The following TBC1D14 variants were observed in gnomAD, a reference collection of about 807,000 sequenced individuals.
The protein encoded by TBC1D14 is TBC1 domain family, member 14.
TBC1D14 carries 26 observed loss-of-function variants against 79.0 expected under a neutral mutation model. That is an observed-to-expected ratio of 0.33 (90% CI 0.24 to 0.46). The LOEUF is 0.46. TBC1D14 is among the 20% of genes least tolerant of loss of function. The probability of loss-of-function intolerance (pLI) is 1.00; values close to 1 mark genes in which losing one functional copy is unlikely to be tolerated. For synonymous variants in TBC1D14, 394 were observed against 349.9 expected, an observed-to-expected ratio of 1.13 and a Z score of -1.40; for missense variants, 769 against 887.6, an observed-to-expected ratio of 0.87 and a Z score of 1.70.
At chr4:6,992,746 T>C (rs964142376) in intron 3 of TBC1D14, among the ~76,000 whole-genome samples, 3 of 152,268 alleles carry the variant, frequency 2.0e-5, no homozygotes, top group Non-Finnish European at 2.9e-5. Flanking sequence ...TGAAGCTTCA[T>C]GAGGGCTAGT....
chr4:6,931,924 G>A (rs1711785725), intron 2 of TBC1D14, among the ~76,000 whole-genome samples: 2 of 151,944 alleles, frequency 1.3e-5, no homozygotes, highest in Non-Finnish European at 2.9e-5. Context: ...GTAGATGGAG[G>A]ATATGTGTTG....
rs748339168 is a variant in TBC1D14, at chr4:6,936,131, C to T, written c.722+12020C>T. On this transcript the variant is annotated intron_variant, in intron 2 of 13. Coordinates refer to ENST00000409757, the MANE Select transcript of TBC1D14 (RefSeq NM_020773.3). ...ACTGGAGGAGTCCATTTGTTACTGTCGATGAGTGCACACTGGCTGACACAT... is the reference window on the plus strand; with the variant it reads ...ACTGGAGGAGTCCATTTGTTACTGTTGATGAGTGCACACTGGCTGACACAT... Among the ~76,000 whole-genome samples, 4 of 152,332 alleles carry T rather than the reference C, an allele frequency of 2.6e-5. No homozygotes were observed. In the Middle Eastern group the frequency reaches 0.01, roughly 389 times the overall value.
At chr4:7,015,062 G>T (rs931052791) in intron 12 of TBC1D14, among the ~76,000 whole-genome samples, 5 of 152,140 alleles carry the variant, frequency 3.3e-5, no homozygotes, top group Non-Finnish European at 7.4e-5. Flanking sequence ...AGGTCTGGTG[G>T]GGTAGAGGTT....
At chr4:6,985,905 C>T (rs893603772) in intron 3 of TBC1D14, among the ~76,000 whole-genome samples, 3 of 152,182 alleles carry the variant, frequency 2.0e-5, no homozygotes, top group South Asian at 4.1e-4. Flanking sequence ...AAATAATATA[C>T]CATGAGATCC....
Position 7,006,351 on chromosome 4 carries a change from T to A in TBC1D14, c.1352-281T>A, listed in dbSNP as rs10013211. 1.8e-4 allele frequency among the ~76,000 whole-genome samples: 27 copies of A among 152,032 alleles called. No homozygotes were observed. The East Asian group carries it at 5.2e-3, about 29-fold the overall frequency. On this transcript the variant is annotated intron_variant, in intron 8 of 13. Transcript: ENST00000409757. Reference sequence around the variant, plus strand: ...CTACTTGTCCTTGCTTTCCACTGATTGTTATTGATGAGAGGCAAAATGTTA... The same window carrying A: ...CTACTTGTCCTTGCTTTCCACTGATAGTTATTGATGAGAGGCAAAATGTTA...
chr4:6,948,227 C>T (rs1219198148), intron 2 of TBC1D14, among the ~76,000 whole-genome samples: 1 of 152,176 alleles, frequency 6.6e-6, no homozygotes, highest in East Asian at 1.9e-4. Flanking sequence ...TGACTAGAAC[C>T]CCCAGAAGTC....
intron 1 of TBC1D14, among the ~76,000 whole-genome samples, chr4:6,917,884 G>A (rs563527297): frequency 7.9e-5 from 12 of 152,172 alleles, no homozygotes; most frequent in Non-Finnish European, 1.8e-4. Context: ...GGCACGAGGC[G>A]GAAGTGCTTG....
At chr4:7,019,590 C>T (rs1173575547) in intron 12 of TBC1D14, among the ~76,000 whole-genome samples, 2 of 152,262 alleles carry the variant, frequency 1.3e-5, no homozygotes, top group African/African-American at 4.8e-5. Flanking sequence ...TTGGCACACC[C>T]TGGCCTGGCT....
chr4:7,013,726 G>A (rs1486937118), intron 11 of TBC1D14, among the ~76,000 whole-genome samples: 1 of 145,220 alleles, frequency 6.9e-6, no homozygotes, highest in Non-Finnish European at 1.5e-5. Context: ...GACGAGGCAT[G>A]CCTGCTTTTC....
At chr4:7,011,336 T>G in intron 11 of TBC1D14, among the ~76,000 whole-genome samples, 1 of 137,812 alleles carries the variant, frequency 7.3e-6, no homozygotes, top group African/African-American at 2.7e-5. Flanking sequence ...TGGGGGGTGG[T>G]GACAGTGGGG....
At chr4:6,913,348 A>C (rs1723149305) in intron 1 of TBC1D14, among the ~76,000 whole-genome samples, 1 of 152,238 alleles carries the variant, frequency 6.6e-6, no homozygotes, top group Admixed American at 6.5e-5. Flanking sequence ...TAGAAGTGTA[A>C]GAATGGTTAA....
intron 2 of TBC1D14, among the ~76,000 whole-genome samples, chr4:6,925,222 G>A (rs189869150): frequency 7.2e-5 from 11 of 152,282 alleles, no homozygotes; most frequent in East Asian, 5.8e-4. Context: ...AGCCGAGATC[G>A]CGCCACCGCA....
At chr4:6,968,119 G>A (rs1396229167) in intron 3 of TBC1D14, among the ~76,000 whole-genome samples, 1 of 152,168 alleles carries the variant, frequency 6.6e-6, no homozygotes, top group Admixed American at 6.5e-5. Flanking sequence ...TGCCCCAAGT[G>A]TCGCGACATT....
chr4:6,914,894 C>A (rs1723273238), intron 1 of TBC1D14, among the ~76,000 whole-genome samples: 1 of 152,116 alleles, frequency 6.6e-6, no homozygotes, highest in Admixed American at 6.5e-5. Context: ...CAAAAATTAG[C>A]CGGGCGTGGT....
intron 12 of TBC1D14, 60 bp downstream of exon 12, chr4:7,014,617 T>C: frequency 8.2e-7 from 1 of 1,214,974 alleles, no homozygotes; most frequent in Non-Finnish European, 1.2e-6. Context: ...TGTTCTTCAC[T>C]CTCTTCTCTG....
intron 2 of TBC1D14, among the ~76,000 whole-genome samples, chr4:6,958,224 C>T (rs142742423): frequency 6.6e-6 from 1 of 152,004 alleles, no homozygotes; most frequent in Non-Finnish European, 1.5e-5. Flanking sequence ...CAGTTAGAGC[C>T]GGAGTCTGCA....
At chr4:6,999,650 G>C (rs901006119) in intron 6 of TBC1D14, among the ~76,000 whole-genome samples, 1 of 152,038 alleles carries the variant, frequency 6.6e-6, no homozygotes, top group Non-Finnish European at 1.5e-5. Context: ...CTGGGGCCTC[G>C]CATGTTCCAG....
chr4:6,998,947 G>T (rs1180019441), intron 5 of TBC1D14, 138 bp from the exon 6 acceptor site: 2 of 707,328 alleles, frequency 2.8e-6, no homozygotes, highest in South Asian at 1.8e-5. Flanking sequence ...CAGGTGTGAA[G>T]TGAGCGCTGG....
intron 3 of TBC1D14, among the ~76,000 whole-genome samples, chr4:6,971,079 G>A (rs1716184752): frequency 6.6e-6 from 1 of 150,836 alleles, no homozygotes; most frequent in African/African-American, 2.4e-5. Flanking sequence ...CTTTGGACCT[G>A]CTTCAAGGAG....
Sources: allele counts gnomAD v4.1 joint callset (sites outside exome capture counted in the v4.1 genomes callset), GRCh38; gene constraint gnomAD v4.1.1; transcripts MANE v1.5; gene names NCBI Gene and HGNC (gene_info 2026-07-23, HGNC 2026-07-21).